SYNE2: variants seen among roughly 807,000 people sequenced by gnomAD.
The protein encoded by SYNE2 is spectrin repeat containing nuclear envelope protein 2, also known as nesprin-2.
SYNE2 carries 431 observed loss-of-function variants against 856.3 expected under a neutral mutation model. That is an observed-to-expected ratio of 0.50 (90% confidence interval 0.47 to 0.55). The LOEUF (loss-of-function observed/expected upper bound fraction) is 0.55. Ranked by LOEUF, SYNE2 falls within the 20% of genes least tolerant of loss-of-function variation. The pLI is 0.00. For missense variants in SYNE2, 8,129 were observed against 8,023.2 expected (o/e 1.01, Z -0.50); for synonymous variants, 2,923 against 2,872.3 (o/e 1.02, Z -0.56).
At chr14:64,090,644 G>T (rs955219400) in intron 59 of SYNE2, among the ~76,000 whole-genome samples, 1 of 152,168 alleles carries the variant, frequency 6.6e-6, no homozygotes, top group African/African-American at 2.4e-5. Flanking sequence ...GTCCAAATGC[G>T]TAATTTAGTA....
chr14:64,181,882 A>G (rs2098459799), intron 96 of SYNE2, among the ~76,000 whole-genome samples: 2 of 152,262 alleles, frequency 1.3e-5, no homozygotes, highest in Admixed American at 1.3e-4. Context: ...TGTGTTTCAT[A>G]ACACTTGTCC....
chr14:64,071,606 A>G (rs1385176460), intron 52 of SYNE2, among the ~76,000 whole-genome samples: 1 of 152,212 alleles, frequency 6.6e-6, no homozygotes, highest in Non-Finnish European at 1.5e-5. Context: ...CTTTTTTACT[A>G]TGATTTTGTT....
rs1052153361 is a variant in SYNE2, at chr14:64,190,577, G to A, written c.18038+340G>A. The A allele has an allele frequency of 5.6e-5, 39 of 701,514 alleles. No homozygotes were observed. In the East Asian group the frequency reaches 9.7e-4, roughly 17 times the overall value. 43.5% of individuals were successfully genotyped at this position (701,514 alleles called of 1,614,324 possible). ...AGCATTTGTGTGTCCCCACAGTGGA[G>A]CCATGCCCGTTGCTCCTGCCTCAGT... is the stretch of plus-strand genomic sequence containing the variant. On this transcript the variant is annotated intron_variant, in intron 99 of 115. Transcript: ENST00000555002.
intron 1 of SYNE2, among the ~76,000 whole-genome samples, chr14:63,770,542 G>A (rs1184462642): frequency 6.6e-6 from 1 of 152,276 alleles, no homozygotes; most frequent in East Asian, 1.9e-4. Flanking sequence ...GCTTATGTCT[G>A]TAATCCCAGC....
chr14:63,798,399 T>G (rs938632658), intron 1 of SYNE2, among the ~76,000 whole-genome samples: 1 of 145,700 alleles, frequency 6.9e-6, no homozygotes, highest in African/African-American at 2.5e-5. Context: ...TTTTTTTTTC[T>G]TTTTTTTTTT....
chr14:63,978,033 A>G lies in SYNE2; in HGVS notation c.1406+16A>G, dbSNP rs1432268264. 2.0e-6 allele frequency: 3 copies of G among 1,480,192 alleles called. No homozygotes were observed. The highest frequency in any genetic ancestry group is 2.8e-6 in the Non-Finnish European group (3 of 1,057,920). The allele number at this position is 1,480,192 out of a possible 1,614,324, so 91.7% of individuals were successfully genotyped here. A position where few individuals can be genotyped will look rare whatever the true frequency, so the allele number is the denominator to read the frequency against. On this transcript the variant is annotated intron_variant, in intron 13 of 115. Transcript: ENST00000555002. Reference sequence around the variant, plus strand: ...TGAAAAGACGGTGTGTAACACTACCATTTCACAGCTGCTGTCACTATTCAC... The same window carrying G: ...TGAAAAGACGGTGTGTAACACTACCGTTTCACAGCTGCTGTCACTATTCAC...
At chr14:63,892,187 G>T (rs1207160573) in intron 1 of SYNE2, among the ~76,000 whole-genome samples, 1 of 151,132 alleles carries the variant, frequency 6.6e-6, no homozygotes, top group Non-Finnish European at 1.5e-5. Context: ...AAAAATGCTC[G>T]TGCAGTTATA....
chr14:63,889,156 T>A (rs2095068517), intron 1 of SYNE2, among the ~76,000 whole-genome samples: 1 of 151,406 alleles, frequency 6.6e-6, no homozygotes, highest in Middle Eastern at 3.2e-3. Flanking sequence ...TATAGTTTTT[T>A]TTTTTGTAGT....
intron 2 of SYNE2, among the ~76,000 whole-genome samples, chr14:63,937,934 G>C (rs536290209): frequency 1.3e-5 from 2 of 152,192 alleles, no homozygotes; most frequent in Non-Finnish European, 2.9e-5. Flanking sequence ...TGGAGTTGTT[G>C]ATGAACTGAA....
intron 11 of SYNE2, among the ~76,000 whole-genome samples, chr14:63,975,114 A>T (rs2153464186): frequency 6.6e-6 from 1 of 151,268 alleles, no homozygotes; most frequent in Admixed American, 6.6e-5. Context: ...ACACTCTGAC[A>T]TAGGGGGTTG....
At chr14:63,938,606 A>T (rs965623355) in intron 2 of SYNE2, among the ~76,000 whole-genome samples, 1 of 152,102 alleles carries the variant, frequency 6.6e-6, no homozygotes, top group African/African-American at 2.4e-5. Flanking sequence ...GTAGAGGATG[A>T]ACTGGAGGTG....
intron 1 of SYNE2, among the ~76,000 whole-genome samples, chr14:63,780,432 G>T (rs1453412264): frequency 6.6e-6 from 1 of 152,134 alleles, no homozygotes; most frequent in Non-Finnish European, 1.5e-5. Context: ...TGCTTGGGAG[G>T]CTGAGGCAGG....
intron 2 of SYNE2, among the ~76,000 whole-genome samples, chr14:63,934,191 T>C (rs1023602433): frequency 1.3e-5 from 2 of 152,198 alleles, no homozygotes; most frequent in Non-Finnish European, 2.9e-5. Flanking sequence ...TTTCCAAATC[T>C]TTTTTTCTGA....
intron 1 of SYNE2, among the ~76,000 whole-genome samples, chr14:63,824,208 G>A (rs1200174997): frequency 1.3e-5 from 2 of 152,200 alleles, no homozygotes; most frequent in East Asian, 3.9e-4. Context: ...GCATGGTAGT[G>A]TGCATCTGTA....
Position 64,146,130 on chromosome 14 carries a change from G to A in SYNE2, c.15546G>A (p.Leu5182=). The A allele has an allele frequency of 6.2e-7, 1 of 1,609,276 alleles. No homozygotes were observed. The highest frequency in any genetic ancestry group is 8.5e-7 in the Non-Finnish European group (1 of 1,177,440). ...AGAGTGAAAATAAAATACAGATCTT[G>A]AACAACTGGCTGGAAGCACAAGAAG... The part of the protein sequence containing the change: ...ITESENKIQI[L]NNWLEAQEER... Residue 5182 remains leucine, a synonymous_variant, in exon 84 of 116, where the codon TTG becomes TTA. Coordinates refer to ENST00000555002, the MANE Select transcript of SYNE2 (RefSeq NM_182914.3).
intron 64 of SYNE2, among the ~76,000 whole-genome samples, chr14:64,106,116 G>A (rs1000209058): frequency 5.6e-5 from 8 of 141,626 alleles, no homozygotes; most frequent in Admixed American, 2.1e-4. Flanking sequence ...AGGTATACAT[G>A]GAATTGCATT....
chr14:64,162,083 T>C lies in SYNE2; in HGVS notation c.16106T>C (p.Val5369Ala). 1 of 1,614,154 alleles carries C rather than the reference T, an allele frequency of 6.2e-7. No homozygotes were observed. Among genetic ancestry groups the C allele is most frequent in the South Asian group, 1.1e-5 (1 of 91,084 alleles). ...CQNTHKRWTQ[V>A]NQAIADQLQK... is the part of the protein sequence containing the mutation. ...CGTTGCACTGACAGGTGGACTCAGG[T>C]GAACCAAGCCATTGCAGACCAGTTG... The change falls in exon 88 of 116, where the codon GTG (valine) becomes GCG (alanine). Residue 5369 changes from valine (V) to alanine (A), a missense_variant. Physicochemically the swap from Val to Ala is moderately conservative, Grantham distance 64. This residue lies in a region of SYNE2 where 5,410 missense variants were observed against 5,284.8 expected (regional missense o/e 1.02). Coordinates refer to ENST00000555002, the MANE Select transcript of SYNE2 (RefSeq NM_182914.3).
At chr14:64,023,634 A>G (rs1000390456) in intron 38 of SYNE2, 6 of 154,630 alleles carry the variant, frequency 3.9e-5, no homozygotes, top group African/African-American at 1.4e-4. Context: ...TGAAAGGCAG[A>G]GTTCACGGGG....
intron 63 of SYNE2, chr14:64,099,052 G>C: frequency 2.0e-6 from 1 of 512,552 alleles, no homozygotes. Flanking sequence ...TTGGCATACG[G>C]GAGAAGGTGA....
Sources: gnomAD v4.1 joint callset for allele counts (sites outside exome capture counted in the v4.1 genomes callset) on GRCh38, gnomAD v4.1.1 for gene constraint, gnomAD v4.1.1 regional missense constraint, MANE v1.5 for transcripts, NCBI Gene and HGNC (gene_info 2026-07-23, HGNC 2026-07-21) for gene names.